The following GIGYF1 variants were observed in gnomAD, a reference collection of about 807,000 sequenced individuals.
The protein encoded by GIGYF1 is GRB10-interacting GYF protein 1.
Under a neutral mutation model 147.1 loss-of-function variants are expected in GIGYF1, and 84 were observed. The ratio of observed to expected loss-of-function variants is 0.57; its 90% CI spans 0.48 to 0.68. GIGYF1 has a LOEUF of 0.68. Among genes scored for constraint, GIGYF1 ranks in the 30% least tolerant of loss-of-function variants. The pLI is 0.00. For missense variants in GIGYF1, 1,485 were observed against 1,393.7 expected, an observed-to-expected ratio of 1.07 and a Z score of -1.04; for synonymous variants, 752 against 589.5, an observed-to-expected ratio of 1.28 and a Z score of -3.99.
At position 100,688,670 on chromosome 7, in the gene GIGYF1, G is replaced by C; in HGVS notation, c.-213C>G. On this transcript the variant is annotated 5_prime_UTR_variant, in exon 2 of 27. Coordinates refer to ENST00000678049, the MANE Select transcript of GIGYF1 (RefSeq NM_001375765.1). Reference sequence around the variant, plus strand: ...AGGGTACCCAAGCCACTGGGAATTGGTCTGACCTCAGTAGAGCCTGGGAGG... The same window carrying C: ...AGGGTACCCAAGCCACTGGGAATTGCTCTGACCTCAGTAGAGCCTGGGAGG... 2.5e-6 allele frequency: 1 copy of C among 396,026 alleles called. No individual in the cohort carries two copies. Among genetic ancestry groups the C allele is most frequent in the Non-Finnish European group, 5.0e-6 (1 of 199,850 alleles). The allele number at this position is 396,026 out of a possible 1,614,324, so 24.5% of individuals were successfully genotyped here.
chr7:100,679,871 GC>G lies in GIGYF1; in HGVS notation c.*1847del, dbSNP rs1804560290. On this transcript the variant is annotated 3_prime_UTR_variant, in exon 27 of 27. Transcript: ENST00000678049. The stretch of plus-strand genomic sequence containing the variant: ...GCCCCCTAAGTCCAAAGTCTCTTTA[GC>G]TGGGGAGAAGAGACAGGAAGAGTGT... 1 of 152,594 alleles carries G rather than the reference GC, an allele frequency of 6.6e-6. No homozygotes were observed. Among genetic ancestry groups the G allele is most frequent in the African/African-American group, 2.4e-5 (1 of 41,396 alleles). The allele number at this position is 152,594 out of a possible 1,614,324, so 9.5% of individuals were successfully genotyped here. A position where few individuals can be genotyped will look rare whatever the true frequency, so the allele number is the denominator to read the frequency against.
At position 100,688,109 on chromosome 7, in the gene GIGYF1, G is replaced by A; in HGVS notation, c.37C>T (p.Leu13Phe). The A allele has an allele frequency of 6.2e-7, 1 of 1,607,618 alleles. No homozygotes were observed. Among genetic ancestry groups the A allele is most frequent in the Non-Finnish European group, 8.5e-7 (1 of 1,176,164 alleles). Residue 13 changes from leucine to phenylalanine, a missense_variant and splice_region_variant, in exon 5 of 27, where the codon CTC (leucine) becomes TTC (phenylalanine). By Grantham distance (22) the Leu-to-Phe change is conservative. Coordinates refer to ENST00000678049, the MANE Select transcript of GIGYF1 (RefSeq NM_001375765.1). Reference protein sequence around the residue: ...AETLNFGPEWLRALSGGGSVA... With the variant: ...AETLNFGPEWFRALSGGGSVA... ...CTGCCGCCCCCGGACAGGGCCCTGA[G>A]CCTGGACACAACACAGAGAGAAGAA...
In GIGYF1 at chr7:100,682,617, T is replaced by C. The variant is rs1036830533; in HGVS notation, c.2573A>G (p.Lys858Arg). 6.3e-7 allele frequency: 1 copy of C among 1,598,394 alleles called. No homozygotes were observed. Among genetic ancestry groups the C allele is most frequent in the African/African-American group, 1.3e-5 (1 of 74,928 alleles). The change falls in exon 23 of 27, where the codon AAG becomes AGG. Residue 858 changes from lysine to arginine, a missense_variant. Physicochemically the swap from Lys to Arg is conservative, Grantham distance 26. Coordinates refer to ENST00000678049, the MANE Select transcript of GIGYF1 (RefSeq NM_001375765.1). The part of the protein sequence containing the change: ...GGSLVRGLGL[K>R]NSRSSPSLSD... ...GAGAGATGGGCTGCTCCGGCTGTTC[T>C]TCAGGCCGAGGCCACGGACCAGGCT...
chr7:100,686,841 G>A (rs755623432), intron 9 of GIGYF1, 22 bp from the exon 10 acceptor site: 9 of 1,612,688 alleles, frequency 5.6e-6, no homozygotes, highest in Non-Finnish European at 7.6e-6. Flanking sequence ...GAAGACAGGG[G>A]CAGTTATTAG....
At position 100,680,510 on chromosome 7, in the gene GIGYF1, A is replaced by T. The variant is rs1044134935; in HGVS notation, c.*1209T>A. 1 of 152,762 alleles carries T rather than the reference A, an allele frequency of 6.5e-6. No individual in the cohort carries two copies. Among genetic ancestry groups the T allele is most frequent in the Non-Finnish European group, 1.5e-5 (1 of 68,068 alleles). 9.5% of individuals were successfully genotyped at this position (152,762 alleles called of 1,614,324 possible). On this transcript the variant is annotated 3_prime_UTR_variant, in exon 27 of 27. Transcript: ENST00000678049. ...GCACACTTCTCTTCACCCCAACCTT[A>T]CCCAACGGTAAAAAGCGCATCATAT...
At position 100,686,421 on chromosome 7, in the gene GIGYF1, C is replaced by T. The variant is rs767032622; in HGVS notation, c.707G>A (p.Arg236His). ...WRSASPDGGP[R>H]SAGWREHGER... is the part of the protein sequence containing the mutation. ...CCCATGTTCCCGCCAGCCAGCAGAG[C>T]GGGGACCACCATCTGCACAGGAAAA... The change falls in exon 11 of 27, where the codon CGC (arginine) becomes CAC (histidine). Residue 236 changes from arginine to histidine, a missense_variant. Arg to His is a conservative substitution (Grantham distance 29). Transcript: ENST00000678049. The T allele has an allele frequency of 3.5e-5, 56 of 1,598,424 alleles. No homozygotes were observed. Among genetic ancestry groups the T allele is most frequent in the Non-Finnish European group, 4.4e-5 (52 of 1,172,908 alleles).
rs757073077 is a variant in GIGYF1, at chr7:100,687,512, C to G, written c.366G>C (p.Arg122=). ...ACGCCATCACCCCTCTACCTCGGCT[C>G]CGCGTGCTGCCCCTGCCTCGGGAGG... The part of the protein sequence containing the change: ...AGTSRGRGST[R]SRGRGRGDSC... The change falls in exon 7 of 27, where the codon CGG becomes CGC. Residue 122 remains arginine, a synonymous_variant. Coordinates refer to ENST00000678049, the MANE Select transcript of GIGYF1 (RefSeq NM_001375765.1). The G allele has an allele frequency of 1.2e-6, 2 of 1,611,546 alleles. No homozygotes were observed.
chr7:100,684,652 G>A, intron 15 of GIGYF1, 36 bp from the exon 16 acceptor site: 1 of 1,613,428 alleles, frequency 6.2e-7, no homozygotes, highest in South Asian at 1.1e-5. Context: ...GAACCACTGG[G>A]GTCACAGGGT....
At chr7:100,693,422 T>C (rs1465668411) in intron 1 of GIGYF1, among the ~76,000 whole-genome samples, 1 of 152,020 alleles carries the variant, frequency 6.6e-6, no homozygotes, top group African/African-American at 2.4e-5. Context: ...AAGGAAGGTA[T>C]TTCCCGCGGC....
In GIGYF1 at chr7:100,684,119, G is replaced by A. The variant is rs924394549; in HGVS notation, c.1769C>T (p.Ala590Val). 3.1e-6 allele frequency: 5 copies of A among 1,608,442 alleles called. No homozygotes were observed. Among genetic ancestry groups the A allele is most frequent in the African/African-American group, 1.3e-5 (1 of 74,870 alleles). Residue 590 changes from alanine (A) to valine (V), a missense_variant, in exon 18 of 27, where the codon GCT becomes GTT. Coordinates refer to ENST00000678049, the MANE Select transcript of GIGYF1 (RefSeq NM_001375765.1). ...TGGTGGCGGTGTCAGGTCCCCCAGA[G>A]CTGCCTTTTCTCGGAGCGCGCACTG... is the stretch of plus-strand genomic sequence containing the variant. ...LPQCALREKAALGDLTPPPPP... is the reference protein window; with the variant it reads ...LPQCALREKAVLGDLTPPPPP...
chr7:100,694,013 T>C (rs191319537), intron 1 of GIGYF1, 97 bp downstream of exon 1: 5,300 of 145,888 alleles, frequency 0.036, 150 homozygotes, highest in Middle Eastern at 0.1. Context: ...GGCGCTTCTC[T>C]AGCTCGCGGG....
At position 100,686,085 on chromosome 7, in the gene GIGYF1, T is replaced by C. The variant is rs373080338; in HGVS notation, c.949-6A>G. On this transcript the variant is annotated splice_region_variant and splice_polypyrimidine_tract_variant and intron_variant, in intron 11 of 26. Transcript: ENST00000678049. Reference sequence around the variant, plus strand: ...ATGGGCTCCTTGGGGCCCTTCTGCATGGGGCCGGGGTGGGGAGCAGAGAAC... The same window carrying C: ...ATGGGCTCCTTGGGGCCCTTCTGCACGGGGCCGGGGTGGGGAGCAGAGAAC... The C allele has an allele frequency of 8.7e-6, 13 of 1,498,784 alleles. No homozygotes were observed. Among genetic ancestry groups the C allele is most frequent in the Middle Eastern group, 2.0e-4 (1 of 5,040 alleles). 92.8% of individuals were successfully genotyped at this position (1,498,784 alleles called of 1,614,324 possible).
chr7:100,688,087 C>T lies in GIGYF1; in HGVS notation c.59G>A (p.Gly20Asp). ...GGACGGGGGTGGGGAGGCCACGCTG[C>T]CGCCCCCGGACAGGGCCCTGAGCCT... ...PEWLRALSGG[G>D]SVASPPPSPA... Residue 20 changes from glycine to aspartate, a missense_variant, in exon 5 of 27, where the codon GGC becomes GAC. By Grantham distance (94) the Gly-to-Asp change is moderately conservative. Coordinates refer to ENST00000678049, the MANE Select transcript of GIGYF1 (RefSeq NM_001375765.1). 6.2e-7 allele frequency: 1 copy of T among 1,609,248 alleles called. No homozygotes were observed. The highest frequency in any genetic ancestry group is 8.5e-7 in the Non-Finnish European group (1 of 1,177,700).
intron 1 of GIGYF1, among the ~76,000 whole-genome samples, chr7:100,691,890 G>T (rs897097846): frequency 4.6e-5 from 7 of 152,266 alleles, no homozygotes; most frequent in African/African-American, 1.7e-4. Flanking sequence ...GCGCCAGGGC[G>T]CGCGGGAAAG....
rs1805536264 is a variant in GIGYF1 at position 100,687,964 on chromosome 7, C to G, written c.165+17G>C. The G allele has an allele frequency of 2.5e-6, 4 of 1,609,640 alleles. No homozygotes were observed. The highest frequency in any genetic ancestry group is 3.4e-6 in the Non-Finnish European group (4 of 1,176,590). ...GCAGAGGCCACCACCGCCAACCCCC[C>G]TCGCCCACGCACCCACCTTGTTCTC... is the stretch of plus-strand genomic sequence containing the variant. On this transcript the variant is annotated intron_variant, in intron 5 of 26. Coordinates refer to ENST00000678049, the MANE Select transcript of GIGYF1 (RefSeq NM_001375765.1).
At chr7:100,693,198 G>A (rs887844047) in intron 1 of GIGYF1, among the ~76,000 whole-genome samples, 1 of 152,140 alleles carries the variant, frequency 6.6e-6, no homozygotes, top group African/African-American at 2.4e-5. Flanking sequence ...CTAGCACTAG[G>A]ATGCAACAGA....
rs369921784 is a variant in GIGYF1, at chr7:100,684,091, C to T, written c.1797G>A (p.Pro599=). Residue 599 remains proline, a synonymous_variant, in exon 18 of 27, where the codon CCG becomes CCA. Coordinates refer to ENST00000678049, the MANE Select transcript of GIGYF1 (RefSeq NM_001375765.1). ...GCTGCTGCTGCTGCTGTGGCGGCGG[C>T]GGTGGTGGCGGTGTCAGGTCCCCCA... ...AALGDLTPPP[P]PPPQQQQQQL... is the part of the protein sequence containing the mutation. 28 of 1,606,296 alleles carry T rather than the reference C, an allele frequency of 1.7e-5. No individual in the cohort carries two copies. The highest frequency in any genetic ancestry group is 4.5e-5 in the East Asian group (2 of 44,804).
intron 1 of GIGYF1, 72 bp downstream of exon 1, chr7:100,694,038 C>G (rs1351534573): frequency 1.4e-5 from 2 of 145,352 alleles, no homozygotes; most frequent in Non-Finnish European, 3.1e-5. Context: ...GCGCGGCCGC[C>G]GCGGCGTCGG....
chr7:100,683,912 C>G lies in GIGYF1; in HGVS notation c.1875G>C (p.Gly625=), dbSNP rs558562422. The change falls in exon 19 of 27, where the codon GGG becomes GGC. Residue 625 remains glycine (G), a synonymous_variant. Coordinates refer to ENST00000678049, the MANE Select transcript of GIGYF1 (RefSeq NM_001375765.1). ...QLQALKPPRG[G]DQNLLPTMSR... is the part of the protein sequence containing the mutation. The stretch of plus-strand genomic sequence containing the variant: ...TCATCGTCGGGAGCAGGTTCTGGTC[C>G]CCGCCTCTGAGGAGCAAATTGTGGA... The G allele has an allele frequency of 5.7e-5, 89 of 1,555,266 alleles. No individual in the cohort carries two copies. In the African/African-American group the frequency reaches 1.2e-3, roughly 20 times the overall value.
Sources: gnomAD v4.1 joint callset for allele counts (sites outside exome capture counted in the v4.1 genomes callset) on GRCh38, gnomAD v4.1.1 for gene constraint, MANE v1.5 for transcripts, NCBI Gene and HGNC (gene_info 2026-07-23, HGNC 2026-07-21) for gene names.